KLF12: variants seen among roughly 807,000 people sequenced by gnomAD.
KLF12 encodes the protein KLF transcription factor 12, also known as Krueppel-like factor 12.
Under a neutral mutation model 37.8 loss-of-function variants are expected in KLF12, and 9 were observed. The observed-to-expected ratio is 0.24, with a 90% CI of 0.14 to 0.42. The LOEUF is 0.42. KLF12 is among the 10% of genes least tolerant of loss of function. The pLI, the probability that KLF12 is intolerant of heterozygous loss-of-function variation, is 1.00. For synonymous variants in KLF12, 208 were observed against 202.1 expected (o/e 1.03, Z -0.25); for missense variants, 411 against 516.0 (o/e 0.80, Z 1.97).
At chr13:73,742,425 T>C (rs2137899782) in intron 6 of KLF12, among the ~76,000 whole-genome samples, 1 of 152,320 alleles carries the variant, frequency 6.6e-6, no homozygotes, top group South Asian at 2.1e-4. Context: ...TTGAACTTTT[T>C]GGTATTCAAA....
chr13:74,217,604 G>A, the KLF12 span, among the ~76,000 whole-genome samples: 7 of 152,134 alleles, frequency 4.6e-5, no homozygotes, highest in African/African-American at 1.7e-4. Flanking sequence ...GTGTGCACCT[G>A]TTATCCCAGC....
In KLF12 at chr13:73,688,222, G is replaced by A. The variant is rs567616566; in HGVS notation, c.*7268C>T. ...ACCTTGTTCTACACAGAAAGTGGGAGGAATTTCATTTCTCTGATGTTGGAC... is the reference window on the plus strand; with the variant it reads ...ACCTTGTTCTACACAGAAAGTGGGAAGAATTTCATTTCTCTGATGTTGGAC... On this transcript the variant is annotated 3_prime_UTR_variant, in exon 8 of 8. Coordinates refer to ENST00000377669, the MANE Select transcript of KLF12 (RefSeq NM_007249.5). 1 of 152,664 alleles carries A rather than the reference G, an allele frequency of 6.6e-6. No individual in the cohort carries two copies. Among genetic ancestry groups the A allele is most frequent in the East Asian group, 1.9e-4 (1 of 5,180 alleles). 9.5% of individuals were successfully genotyped at this position (152,664 alleles called of 1,614,324 possible). A position where few individuals can be genotyped will look rare whatever the true frequency, so the allele number is the denominator to read the frequency against.
intron 4 of KLF12, among the ~76,000 whole-genome samples, chr13:73,831,026 G>A (rs9573307): frequency 0.41 from 34,590 of 83,502 alleles, 4,238 homozygotes; most frequent in East Asian, 0.54. Context: ...ACACACACAC[G>A]CATACTTATT....
At chr13:73,861,499 T>G (rs1594182664) in intron 3 of KLF12, among the ~76,000 whole-genome samples, 1 of 152,200 alleles carries the variant, frequency 6.6e-6, no homozygotes, top group Non-Finnish European at 1.5e-5. Flanking sequence ...TAATGGCAGG[T>G]AATGTGTCCC....
At chr13:73,945,463 C>T (rs541261633) in intron 2 of KLF12, among the ~76,000 whole-genome samples, 1 of 149,548 alleles carries the variant, frequency 6.7e-6, no homozygotes, top group Non-Finnish European at 1.5e-5. Context: ...GAGTGAAACT[C>T]CATCTCAAAA....
At chr13:74,243,722 A>G in the KLF12 span, among the ~76,000 whole-genome samples, 14 of 152,006 alleles carry the variant, frequency 9.2e-5, no homozygotes, top group Admixed American at 9.2e-4. Flanking sequence ...TGAACATTTT[A>G]TTCATATGTT....
chr13:73,807,830 T>A (rs552397142), intron 5 of KLF12, among the ~76,000 whole-genome samples: 42 of 152,346 alleles, frequency 2.8e-4, no homozygotes, highest in African/African-American at 7.5e-4. Flanking sequence ...TTTACTGAAT[T>A]ATATCCACAT....
At chr13:74,171,640 T>C in the KLF12 span, among the ~76,000 whole-genome samples, 1 of 152,170 alleles carries the variant, frequency 6.6e-6, no homozygotes. Context: ...ATTTTCATCA[T>C]TACATATTCA....
At chr13:74,195,750 C>T in the KLF12 span, among the ~76,000 whole-genome samples, 4 of 152,044 alleles carry the variant, frequency 2.6e-5, no homozygotes, top group Admixed American at 6.6e-5. Context: ...AGGCACACAC[C>T]ACTATGCCTA....
intron 1 of KLF12, among the ~76,000 whole-genome samples, chr13:74,090,919 C>A (rs1875614015): frequency 7.0e-6 from 1 of 143,728 alleles, no homozygotes. Context: ...CCAGAATAGC[C>A]AAAACTACCT....
At chr13:74,066,282 A>G (rs116642769) in intron 1 of KLF12, among the ~76,000 whole-genome samples, 2,557 of 152,334 alleles carry the variant, frequency 0.017, 68 homozygotes, top group African/African-American at 0.058. Flanking sequence ...TACTTGCTCT[A>G]AAAGTCCAGC....
At chr13:74,109,868 A>G (rs1163361847) in intron 1 of KLF12, among the ~76,000 whole-genome samples, 1 of 152,204 alleles carries the variant, frequency 6.6e-6, no homozygotes, top group African/African-American at 2.4e-5. Flanking sequence ...AGCAACATAG[A>G]AGCTTTTAAT....
At chr13:73,944,151 G>T in intron 2 of KLF12, 81 bp from the exon 3 acceptor site, 1 of 799,000 alleles carries the variant, frequency 1.3e-6, no homozygotes, top group Non-Finnish European at 2.1e-6. Context: ...CCTCATTGTA[G>T]TACATTTAGT....
chr13:73,782,980 T>C (rs1410456668), intron 5 of KLF12, among the ~76,000 whole-genome samples: 1 of 152,186 alleles, frequency 6.6e-6, no homozygotes, highest in African/African-American at 2.4e-5. Flanking sequence ...AGCAGAGACC[T>C]TGAAATTCCC....
intron 6 of KLF12, among the ~76,000 whole-genome samples, chr13:73,747,754 G>T (rs973746365): frequency 1.3e-5 from 2 of 152,106 alleles, no homozygotes; most frequent in East Asian, 1.9e-4. Context: ...GAGACTCAGA[G>T]ATATAAAATA....
intron 2 of KLF12, among the ~76,000 whole-genome samples, chr13:73,969,029 TAAA>T (rs58954841): frequency 1.8e-3 from 267 of 147,490 alleles, no homozygotes; most frequent in Non-Finnish European, 1.9e-3. Context: ...CCCCATACTT[TAAA>T]AAAAAAAAAA....
the KLF12 span, among the ~76,000 whole-genome samples, chr13:74,183,072 T>G: frequency 4.2e-4 from 64 of 152,306 alleles, no homozygotes; most frequent in Middle Eastern, 3.4e-3. Flanking sequence ...GACTTTTAAC[T>G]TCAGTTTCTC....
At chr13:73,748,781 T>C (rs1371591279) in intron 6 of KLF12, among the ~76,000 whole-genome samples, 2 of 152,158 alleles carry the variant, frequency 1.3e-5, no homozygotes, top group Non-Finnish European at 2.9e-5. Flanking sequence ...GAAATGATAG[T>C]GAAGAGTTTG....
chr13:74,026,393 C>T (rs1892977446), intron 1 of KLF12, among the ~76,000 whole-genome samples: 1 of 152,056 alleles, frequency 6.6e-6, no homozygotes, highest in Admixed American at 6.6e-5. Flanking sequence ...AGTGAAAAAA[C>T]ATCACCTTGT....
Sources: allele counts gnomAD v4.1 joint callset (sites outside exome capture counted in the v4.1 genomes callset), GRCh38; gene constraint gnomAD v4.1.1; transcripts MANE v1.5; gene names NCBI Gene and HGNC (gene_info 2026-07-23, HGNC 2026-07-21).